The following SMCHD1 variants were observed in gnomAD, a reference collection of about 807,000 sequenced individuals.
SMCHD1 encodes the protein structural maintenance of chromosomes flexible hinge domain-containing protein 1.
A neutral mutation model predicts 254.7 loss-of-function variants in SMCHD1; 78 were observed. The observed-to-expected ratio is 0.31, with a 90% confidence interval of 0.26 to 0.37. The LOEUF (loss-of-function observed/expected upper bound fraction) is 0.37, where lower values mean the gene tolerates loss of function less well. Among genes scored for constraint, SMCHD1 ranks in the 10% least tolerant of loss-of-function variants. SMCHD1 has a pLI of 1.00. For synonymous variants in SMCHD1, 766 were observed against 794.9 expected, an observed-to-expected ratio of 0.96 and a Z score of 0.61; for missense variants, 1,840 against 2,408.1, an observed-to-expected ratio of 0.76 and a Z score of 4.94.
intron 47 of SMCHD1, among the ~76,000 whole-genome samples, chr18:2,798,944 A>G (rs2076310465): frequency 1.3e-5 from 2 of 152,220 alleles, no homozygotes; most frequent in Admixed American, 1.3e-4. Flanking sequence ...CAGTTACTAC[A>G]GCGCTACTGT....
At chr18:2,747,001 ATG>A (rs1451610091) in intron 29 of SMCHD1, among the ~76,000 whole-genome samples, 1 of 152,216 alleles carries the variant, frequency 6.6e-6, no homozygotes, top group Non-Finnish European at 1.5e-5. Context: ...CTAGAAAGCC[ATG>A]TTACTGCTTT....
intron 34 of SMCHD1, 116 bp downstream of exon 34, chr18:2,752,668 T>C: frequency 1.5e-6 from 1 of 660,628 alleles, no homozygotes. Flanking sequence ...ATAGAAATGT[T>C]AGTGTCTCTA....
intron 7 of SMCHD1, among the ~76,000 whole-genome samples, chr18:2,693,469 ATATT>A (rs2074222815): frequency 6.6e-6 from 1 of 152,238 alleles, no homozygotes; most frequent in South Asian, 2.1e-4. Flanking sequence ...AGAATGGTAA[ATATT>A]TGTGTAGCTA....
At chr18:2,763,910 G>T in intron 37 of SMCHD1, 121 bp downstream of exon 37, 2 of 869,564 alleles carry the variant, frequency 2.3e-6, no homozygotes, top group Non-Finnish European at 3.4e-6. Flanking sequence ...ACTAAATTGG[G>T]AAGTCAGCTG....
At chr18:2,786,317 T>C (rs1311016910) in intron 45 of SMCHD1, among the ~76,000 whole-genome samples, 1 of 145,660 alleles carries the variant, frequency 6.9e-6, no homozygotes, top group East Asian at 2.0e-4. Context: ...TAAAGTAAAA[T>C]ACACATAGAA....
intron 5 of SMCHD1, among the ~76,000 whole-genome samples, chr18:2,686,331 C>T (rs1029292011): frequency 6.6e-6 from 1 of 152,114 alleles, no homozygotes; most frequent in Non-Finnish European, 1.5e-5. Flanking sequence ...TTGGGATGCT[C>T]AGGTGGTAAG....
At chr18:2,780,579 C>T (rs897131988) in intron 44 of SMCHD1, among the ~76,000 whole-genome samples, 15 of 152,086 alleles carry the variant, frequency 9.9e-5, no homozygotes, top group African/African-American at 2.9e-4. Flanking sequence ...GGATGGTAAC[C>T]GGAAGACTCC....
chr18:2,725,567 G>A (rs919189857), intron 21 of SMCHD1, among the ~76,000 whole-genome samples: 1 of 151,814 alleles, frequency 6.6e-6, no homozygotes, highest in South Asian at 2.1e-4. Flanking sequence ...GCAGCTAATA[G>A]ACTTAACTGA....
intron 37 of SMCHD1, among the ~76,000 whole-genome samples, chr18:2,766,639 T>C (rs533219711): frequency 6.6e-6 from 1 of 152,370 alleles, no homozygotes; most frequent in South Asian, 2.1e-4. Context: ...TTCCACATTA[T>C]TGCTTTGTTT....
chr18:2,677,305 G>A (rs925084781), intron 5 of SMCHD1, among the ~76,000 whole-genome samples: 1 of 152,046 alleles, frequency 6.6e-6, no homozygotes, highest in Admixed American at 6.6e-5. Context: ...ATAAATGTCA[G>A]TATACTTTTT....
intron 37 of SMCHD1, among the ~76,000 whole-genome samples, chr18:2,765,984 T>G (rs1490115091): frequency 6.6e-6 from 1 of 151,316 alleles, no homozygotes; most frequent in Non-Finnish European, 1.5e-5. Context: ...TTTTCCTGTT[T>G]AGCTATGTCC....
chr18:2,752,798 C>CT, intron 34 of SMCHD1: 1 of 370,716 alleles, frequency 2.7e-6, no homozygotes, highest in Non-Finnish European at 4.9e-6. Flanking sequence ...CAGAAGAATT[C>CT]TTTTATGTTG....
intron 45 of SMCHD1, among the ~76,000 whole-genome samples, chr18:2,787,968 C>T (rs1025707579): frequency 2.6e-5 from 4 of 152,086 alleles, no homozygotes; most frequent in African/African-American, 9.7e-5. Flanking sequence ...CTCCATATAC[C>T]TTCACCCTAA....
At chr18:2,723,514 G>A (rs2074968528) in intron 20 of SMCHD1, among the ~76,000 whole-genome samples, 2 of 152,096 alleles carry the variant, frequency 1.3e-5, no homozygotes, top group African/African-American at 4.8e-5. Flanking sequence ...GGGCTGGGCA[G>A]TTTCCTCAAA....
chr18:2,663,163 G>C (rs2073342860), intron 1 of SMCHD1, among the ~76,000 whole-genome samples: 1 of 152,182 alleles, frequency 6.6e-6, no homozygotes, highest in South Asian at 2.1e-4. Flanking sequence ...GAGTGCAGTA[G>C]TGTGTGATCA....
intron 44 of SMCHD1, among the ~76,000 whole-genome samples, chr18:2,782,744 C>CAAAAAAAAAAAAAAAAA (rs779083565): frequency 1.1e-4 from 5 of 44,976 alleles, no homozygotes; most frequent in African/African-American, 2.9e-4. Flanking sequence ...GACCACAACT[C>CAAAAAAAAAAAAAAAAA]AAAAAAAAAA....
intron 24 of SMCHD1, among the ~76,000 whole-genome samples, chr18:2,731,310 G>T (rs539787352): frequency 1.1e-4 from 16 of 152,298 alleles, no homozygotes; most frequent in Admixed American, 7.2e-4. Context: ...CTGTTGAATG[G>T]ACTATAACTA....
At chr18:2,796,313 T>C in intron 46 of SMCHD1, 94 bp from the exon 47 acceptor site, 1 of 911,040 alleles carries the variant, frequency 1.1e-6, no homozygotes, top group Non-Finnish European at 1.6e-6. Flanking sequence ...TTCTTAATTC[T>C]TTTTCTATAA....
At position 2,670,927 on chromosome 18, in the gene SMCHD1, G is replaced by C. The variant is rs546228371; in HGVS notation, c.425-2354G>C. 2.0e-5 allele frequency among the ~76,000 whole-genome samples: 3 copies of C among 147,496 alleles called. No homozygotes were observed. In the East Asian group the frequency reaches 6.0e-4, roughly 29 times the overall value. On this transcript the variant is annotated intron_variant, in intron 3 of 47. Coordinates refer to ENST00000320876, the MANE Select transcript of SMCHD1 (RefSeq NM_015295.3). ...AAAAAAAAAAAAAAGAAAATTGAGT[G>C]AATCTTTTAATTCTTTTTTTTTTTT... is the stretch of plus-strand genomic sequence containing the variant.
Sources: allele counts gnomAD v4.1 joint callset (sites outside exome capture counted in the v4.1 genomes callset), GRCh38; gene constraint gnomAD v4.1.1; transcripts MANE v1.5; gene names NCBI Gene and HGNC (gene_info 2026-07-23, HGNC 2026-07-21).